Variants in PITPNC1 observed in about 807,000 individuals in gnomAD.
PITPNC1 encodes cytoplasmic phosphatidylinositol transfer protein 1.
Under a neutral mutation model 44.7 loss-of-function variants are expected in PITPNC1, and 18 were observed. The ratio of observed to expected loss-of-function variants is 0.40; its 90% CI spans 0.28 to 0.60. The LOEUF is 0.60. PITPNC1 is among the 20% of genes least tolerant of loss of function. The pLI is 0.39. For missense variants in PITPNC1, 290 were observed against 418.4 expected (o/e 0.69, Z 2.68); for synonymous variants, 141 against 149.6 (o/e 0.94, Z 0.42).
intron 1 of PITPNC1, among the ~76,000 whole-genome samples, chr17:67,451,572 G>C (rs193149712): frequency 6.6e-6 from 1 of 151,732 alleles, no homozygotes; most frequent in East Asian, 1.9e-4. Flanking sequence ...CTATAGTTTT[G>C]TCTTTTCTAG....
At chr17:67,617,429 C>G (rs1345332449) in intron 5 of PITPNC1, among the ~76,000 whole-genome samples, 1 of 152,154 alleles carries the variant, frequency 6.6e-6, no homozygotes, top group Non-Finnish European at 1.5e-5. Flanking sequence ...CACTTGAACC[C>G]AGCTGCAGAG....
At chr17:67,583,865 T>TTGTGTGTGTGTGTGTGTGTGTGTG (rs771258752) in intron 5 of PITPNC1, among the ~76,000 whole-genome samples, 1 of 118,346 alleles carries the variant, frequency 8.4e-6, no homozygotes, top group Non-Finnish European at 1.8e-5. Context: ...CTGGCTAATT[T>TTGTGTGTGTGTGTGTGTGTGTGTG]TGTGTGTGTG....
At chr17:67,469,311 T>G (rs918325618) in intron 1 of PITPNC1, among the ~76,000 whole-genome samples, 2 of 152,078 alleles carry the variant, frequency 1.3e-5, no homozygotes, top group Non-Finnish European at 2.9e-5. Flanking sequence ...TCCTCCCCCT[T>G]CTCTGCACAC....
chr17:67,541,088 G>A lies in PITPNC1; in HGVS notation c.197+8138G>A, dbSNP rs137890628. Among the ~76,000 whole-genome samples, 7 of 152,238 alleles carry A rather than the reference G, an allele frequency of 4.6e-5. No individual in the cohort carries two copies. In the East Asian group the frequency reaches 9.6e-4, roughly 21 times the overall value. ...AAATTCGCCAGGAGCGGTGTCAGAC[G>A]CCTGTAATCCCAGCTACTCGGGAGG... On this transcript the variant is annotated intron_variant, in intron 2 of 8. Coordinates refer to ENST00000581322, the MANE Select transcript of PITPNC1 (RefSeq NM_012417.4).
At chr17:67,663,172 ATGT>A (rs2042372876) in intron 6 of PITPNC1, among the ~76,000 whole-genome samples, 1 of 152,166 alleles carries the variant, frequency 6.6e-6, no homozygotes, top group Admixed American at 6.5e-5. Flanking sequence ...GATATAACAC[ATGT>A]TGTGTATCTG....
At chr17:67,548,452 G>A (rs1205099020) in intron 2 of PITPNC1, among the ~76,000 whole-genome samples, 7 of 152,090 alleles carry the variant, frequency 4.6e-5, no homozygotes, top group South Asian at 2.1e-4. Flanking sequence ...TAAGCCTGGC[G>A]TGGTGGCATG....
chr17:67,407,109 A>C (rs1392461384), intron 1 of PITPNC1, among the ~76,000 whole-genome samples: 1 of 152,170 alleles, frequency 6.6e-6, no homozygotes, highest in East Asian at 1.9e-4. Context: ...CAGTGCCTGC[A>C]CCGTTTTACA....
At chr17:67,683,591 A>C (rs537045428) in intron 8 of PITPNC1, among the ~76,000 whole-genome samples, 1 of 152,230 alleles carries the variant, frequency 6.6e-6, no homozygotes, top group Non-Finnish European at 1.5e-5. Flanking sequence ...GAACTACTCT[A>C]CTAGGAATGT....
chr17:67,635,547 A>G (rs926269734), intron 6 of PITPNC1, among the ~76,000 whole-genome samples: 4 of 152,188 alleles, frequency 2.6e-5, no homozygotes, highest in Non-Finnish European at 5.9e-5. Context: ...TGGGAGACCA[A>G]TTTGAGAGTA....
At chr17:67,640,415 C>T (rs549423837) in intron 6 of PITPNC1, among the ~76,000 whole-genome samples, 1 of 152,322 alleles carries the variant, frequency 6.6e-6, no homozygotes, top group South Asian at 2.1e-4. Context: ...CACAGTGGTC[C>T]ACACCTGTAA....
intron 6 of PITPNC1, among the ~76,000 whole-genome samples, chr17:67,633,551 C>T (rs1200864766): frequency 5.3e-5 from 8 of 152,224 alleles, no homozygotes; most frequent in Non-Finnish European, 1.2e-4. Context: ...AAAGGGTGAG[C>T]GTTTTAACAT....
intron 1 of PITPNC1, among the ~76,000 whole-genome samples, chr17:67,431,183 C>T (rs1296421658): frequency 3.3e-5 from 5 of 151,738 alleles, no homozygotes; most frequent in Non-Finnish European, 2.9e-5. Context: ...TTCAGCCTCC[C>T]GAGTAGCTGG....
At chr17:67,458,654 G>A (rs2039289612) in intron 1 of PITPNC1, among the ~76,000 whole-genome samples, 1 of 151,988 alleles carries the variant, frequency 6.6e-6, no homozygotes, top group Non-Finnish European at 1.5e-5. Flanking sequence ...ATCATTCCAA[G>A]TTCCCTGGAG....
chr17:67,655,332 G>A (rs902618461), intron 6 of PITPNC1, among the ~76,000 whole-genome samples: 1 of 151,998 alleles, frequency 6.6e-6, no homozygotes, highest in Non-Finnish European at 1.5e-5. Context: ...GCCAAGATGA[G>A]CGGATCACGA....
rs942705778 is a variant in PITPNC1 at position 67,534,259 on chromosome 17, C to T, written c.197+1309C>T. On this transcript the variant is annotated intron_variant, in intron 2 of 8. Coordinates refer to ENST00000581322, the MANE Select transcript of PITPNC1 (RefSeq NM_012417.4). ...ATTAGGGCTTGTCTGATCTTCTCCC[C>T]ATCCTATACTCCTATCCAGCCCATT... Among the ~76,000 whole-genome samples, 4 of 152,214 alleles carry T rather than the reference C, an allele frequency of 2.6e-5. 1 individual carries two copies. The highest frequency in any genetic ancestry group is 1.9e-4 in the East Asian group (1 of 5,204).
intron 5 of PITPNC1, among the ~76,000 whole-genome samples, chr17:67,623,248 C>T (rs896951395): frequency 1.3e-5 from 2 of 152,124 alleles, no homozygotes; most frequent in African/African-American, 2.4e-5. Context: ...AATCAGCCAC[C>T]TCTACCTTGT....
chr17:67,421,133 T>A (rs2038667459), intron 1 of PITPNC1, among the ~76,000 whole-genome samples: 1 of 152,172 alleles, frequency 6.6e-6, no homozygotes, highest in Non-Finnish European at 1.5e-5. Flanking sequence ...AGCTTTCTTC[T>A]TGATGGTGCT....
chr17:67,560,653 A>G (rs1479546410), intron 4 of PITPNC1, among the ~76,000 whole-genome samples: 5 of 152,154 alleles, frequency 3.3e-5, no homozygotes, highest in Admixed American at 6.5e-5. Flanking sequence ...CAGCACCCCA[A>G]TTAGTGCCTG....
intron 1 of PITPNC1, among the ~76,000 whole-genome samples, chr17:67,495,983 A>G (rs2039947387): frequency 6.6e-6 from 1 of 152,196 alleles, no homozygotes; most frequent in Non-Finnish European, 1.5e-5. Flanking sequence ...GTTCATCTGT[A>G]TTTGACCATT....
Sources: gnomAD v4.1 joint callset for allele counts (sites outside exome capture counted in the v4.1 genomes callset) on GRCh38, gnomAD v4.1.1 for gene constraint, MANE v1.5 for transcripts, NCBI Gene and HGNC (gene_info 2026-07-23, HGNC 2026-07-21) for gene names.